Variants in MYO5B observed in about 807,000 individuals in gnomAD.
The protein encoded by MYO5B is unconventional myosin-Vb.
A neutral mutation model predicts 229.3 loss-of-function variants in MYO5B; 143 were observed. The ratio of observed to expected loss-of-function variants is 0.62; its 90% CI spans 0.54 to 0.72. The LOEUF is 0.72. Among genes scored for constraint, MYO5B ranks in the 30% least tolerant of loss-of-function variants. MYO5B has a pLI of 0.00. For synonymous variants in MYO5B, 918 were observed against 885.2 expected (o/e 1.04, Z -0.66); for missense variants, 2,321 against 2,331.0 (o/e 1.00, Z 0.09).
chr18:49,868,798 G>A (rs535772137), intron 27 of MYO5B, among the ~76,000 whole-genome samples: 109 of 152,318 alleles, frequency 7.2e-4, no homozygotes, highest in African/African-American at 2.5e-3. Context: ...TGCTCTGCAG[G>A]AGTGACTGGC....
intron 1 of MYO5B, among the ~76,000 whole-genome samples, chr18:50,094,255 A>G (rs1341799931): frequency 6.6e-6 from 1 of 152,214 alleles, no homozygotes; most frequent in Non-Finnish European, 1.5e-5. Context: ...GTTATAGTAT[A>G]ATCCTTGTGT....
At chr18:49,948,490 C>A (rs1490181627) in intron 14 of MYO5B, among the ~76,000 whole-genome samples, 1 of 152,090 alleles carries the variant, frequency 6.6e-6, no homozygotes, top group Non-Finnish European at 1.5e-5. Context: ...CTACATAGTA[C>A]CCTGCTTGGT....
At chr18:50,048,020 A>G (rs540326990) in intron 2 of MYO5B, among the ~76,000 whole-genome samples, 1 of 151,924 alleles carries the variant, frequency 6.6e-6, no homozygotes, top group African/African-American at 2.4e-5. Context: ...GCACACCAAC[A>G]TGGCACATGT....
rs2024004963 is a variant in MYO5B at position 49,837,633 on chromosome 18, G to T, written c.5022C>A (p.Asp1674Glu). The change falls in exon 37 of 40, where the codon GAC (aspartate) becomes GAA (glutamate). Residue 1674 changes from aspartate (D) to glutamate (E), a missense_variant. By Grantham distance (45) the Asp-to-Glu change is conservative. This residue lies in a region of MYO5B where 208 missense variants were observed against 286.3 expected (regional missense o/e 0.73). Transcript: ENST00000285039. ...TGAATACCTGCAGGATGATCTCAGG[G>T]TCCAAGCCCTGGTCACACATGACTG... ...FHTVMCDQGL[D>E]PEIILQVFKQ... 6.2e-7 allele frequency: 1 copy of T among 1,613,954 alleles called. No individual in the cohort carries two copies. Among genetic ancestry groups the T allele is most frequent in the Non-Finnish European group, 8.5e-7 (1 of 1,179,854 alleles).
intron 1 of MYO5B, among the ~76,000 whole-genome samples, chr18:50,067,464 T>C (rs2030848884): frequency 2.0e-5 from 3 of 152,174 alleles, no homozygotes; most frequent in Admixed American, 6.5e-5. Flanking sequence ...TTGCTACTGC[T>C]ATAGTTTGGA....
chr18:50,016,601 A>G (rs2026218015), intron 4 of MYO5B, among the ~76,000 whole-genome samples: 1 of 152,168 alleles, frequency 6.6e-6, no homozygotes, highest in African/African-American at 2.4e-5. Context: ...TTTCTTGTCC[A>G]CCTTCTCTAA....
intron 16 of MYO5B, among the ~76,000 whole-genome samples, chr18:49,933,954 C>T (rs1403306049): frequency 1.3e-5 from 2 of 152,182 alleles, no homozygotes; most frequent in Admixed American, 1.3e-4. Context: ...CAGCTCACTG[C>T]AGCCTCAAAC....
chr18:50,141,992 C>G (rs2032425209), intron 1 of MYO5B, among the ~76,000 whole-genome samples: 1 of 152,222 alleles, frequency 6.6e-6, no homozygotes, highest in Admixed American at 6.5e-5. Flanking sequence ...TCTGGGAATT[C>G]TGCTATTGCT....
intron 1 of MYO5B, among the ~76,000 whole-genome samples, chr18:50,152,440 G>T (rs1420231902): frequency 6.6e-6 from 1 of 152,202 alleles, no homozygotes; most frequent in African/African-American, 2.4e-5. Flanking sequence ...TAGTAAATGT[G>T]CTACTGCTTT....
rs1182575927 is a variant in MYO5B at position 49,906,648 on chromosome 18, G to T, written c.2203-18C>A. ...TCGGGGTCCTTTACAAGGTAGGGAG[G>T]GGATCTGGTTGGTCACCAGTGAGCA... On this transcript the variant is annotated intron_variant, in intron 18 of 39. Coordinates refer to ENST00000285039, the MANE Select transcript of MYO5B (RefSeq NM_001080467.3). The T allele has an allele frequency of 3.7e-6, 6 of 1,606,352 alleles. No homozygotes were observed. The highest frequency in any genetic ancestry group is 1.3e-5 in the African/African-American group (1 of 74,862).
At chr18:49,862,759 AC>A (rs1434613653) in intron 29 of MYO5B, among the ~76,000 whole-genome samples, 1 of 151,654 alleles carries the variant, frequency 6.6e-6, no homozygotes, top group Non-Finnish European at 1.5e-5. Flanking sequence ...CTTCCATTCC[AC>A]CCCCAAGTGC....
At chr18:50,092,338 G>C (rs2031464194) in intron 1 of MYO5B, among the ~76,000 whole-genome samples, 1 of 152,146 alleles carries the variant, frequency 6.6e-6, no homozygotes, top group Admixed American at 6.5e-5. Context: ...AAGGAAGAAT[G>C]GGTCTTGCAT....
At chr18:49,972,617 G>A (rs942145539) in intron 10 of MYO5B, among the ~76,000 whole-genome samples, 1 of 152,156 alleles carries the variant, frequency 6.6e-6, no homozygotes, top group Non-Finnish European at 1.5e-5. Flanking sequence ...GTTTCCCCAG[G>A]TCTTACTTGG....
In MYO5B at chr18:49,957,142, C is replaced by CAAAAAAAAAA. The variant is rs71169467; in HGVS notation, c.1546-2717_1546-2708dup. Among the ~76,000 whole-genome samples, 53 of 58,714 alleles carry CAAAAAAAAAA rather than the reference C, an allele frequency of 9.0e-4. 2 individuals are homozygous for CAAAAAAAAAA. The highest frequency in any genetic ancestry group is 1.5e-3 in the African/African-American group (19 of 12,598). 38.5% of individuals were successfully genotyped at this position (58,714 alleles called of 152,430 possible). A position where few individuals can be genotyped will look rare whatever the true frequency, so the allele number is the denominator to read the frequency against. ...ACTCCTTGCTAGTAAAATAAAGTAG[C>CAAAAAAAAAA]AAAAAAAAAAAAAAAAAAAAAAAGC... On this transcript the variant is annotated intron_variant, in intron 12 of 39. Coordinates refer to ENST00000285039, the MANE Select transcript of MYO5B (RefSeq NM_001080467.3).
chr18:49,863,381 GC>G (rs1327926383), intron 28 of MYO5B, 54 bp from the exon 29 acceptor site: 7 of 1,470,824 alleles, frequency 4.8e-6, no homozygotes, highest in Non-Finnish European at 5.7e-6. Flanking sequence ...CCACAAAATG[GC>G]TTTATATACA....
chr18:50,058,383 T>C (rs1390905878), intron 1 of MYO5B, among the ~76,000 whole-genome samples: 1 of 152,106 alleles, frequency 6.6e-6, no homozygotes, highest in Non-Finnish European at 1.5e-5. Context: ...GGCATGAGGG[T>C]CCCTGGAGCC....
chr18:49,829,322 A>G (rs2023887031), intron 39 of MYO5B, among the ~76,000 whole-genome samples: 1 of 152,226 alleles, frequency 6.6e-6, no homozygotes. Flanking sequence ...AGAGAATACT[A>G]TGAAAAATTT....
At chr18:49,906,791 A>T (rs1425660811) in intron 18 of MYO5B, among the ~76,000 whole-genome samples, 161 bp from the exon 19 acceptor site, 1 of 152,210 alleles carries the variant, frequency 6.6e-6, no homozygotes, top group Admixed American at 6.5e-5. Flanking sequence ...AACAGACCCC[A>T]AGACCCTACT....
intron 2 of MYO5B, among the ~76,000 whole-genome samples, chr18:50,053,370 C>T (rs140938302): frequency 2.0e-5 from 3 of 152,168 alleles, no homozygotes; most frequent in Non-Finnish European, 4.4e-5. Flanking sequence ...GCAGGGTGGG[C>T]GAGCATCTGC....
Sources: allele counts gnomAD v4.1 joint callset (sites outside exome capture counted in the v4.1 genomes callset), GRCh38; gene constraint gnomAD v4.1.1; regional missense constraint gnomAD v4.1.1; transcripts MANE v1.5; gene names NCBI Gene and HGNC (gene_info 2026-07-23, HGNC 2026-07-21).